The following PCNX2 variants were observed in gnomAD, a reference collection of about 807,000 sequenced individuals.
PCNX2 encodes the protein pecanex 2, also known as pecanex-like protein 2.
PCNX2 carries 168 observed loss-of-function variants against 223.8 expected under a neutral mutation model. The observed-to-expected ratio is 0.75, with a 90% CI of 0.66 to 0.85. The LOEUF is 0.85. Ranked by LOEUF, PCNX2 falls within the 40% of genes least tolerant of loss-of-function variation. PCNX2 has a pLI of 0.00. For missense variants in PCNX2, 2,507 were observed against 2,675.5 expected, an observed-to-expected ratio of 0.94 and a Z score of 1.39; for synonymous variants, 1,006 against 1,052.6, an observed-to-expected ratio of 0.96 and a Z score of 0.86.
chr1:233,275,272 G>A (rs57840840), intron 1 of PCNX2, among the ~76,000 whole-genome samples: 2,777 of 151,848 alleles, frequency 0.018, 88 homozygotes, highest in African/African-American at 0.064. Context: ...GTGAGATCTC[G>A]GCTCACTGCA....
At chr1:233,107,835 C>T (rs1571881004) in intron 21 of PCNX2, among the ~76,000 whole-genome samples, 2 of 152,266 alleles carry the variant, frequency 1.3e-5, no homozygotes, top group Admixed American at 1.3e-4. Context: ...CATTCCCAGA[C>T]ACTTAAGGCA....
intron 8 of PCNX2, among the ~76,000 whole-genome samples, chr1:233,245,772 C>T (rs1001578470): frequency 2.7e-4 from 41 of 151,908 alleles, no homozygotes; most frequent in African/African-American, 8.7e-4. Flanking sequence ...AAAATTAGCC[C>T]GGCTGTGGTG....
At chr1:233,204,950 T>C (rs952235906) in intron 13 of PCNX2, among the ~76,000 whole-genome samples, 3 of 152,136 alleles carry the variant, frequency 2.0e-5, no homozygotes, top group Non-Finnish European at 4.4e-5. Context: ...AAAAATAAAA[T>C]AAAATAAGAA....
At chr1:233,057,479 C>T in intron 23 of PCNX2, 189 bp from the exon 24 acceptor site, 1 of 563,604 alleles carries the variant, frequency 1.8e-6, no homozygotes, top group Non-Finnish European at 3.2e-6. Context: ...GGGAGCAGTA[C>T]AAGAAACACA....
the PCNX2 span, among the ~76,000 whole-genome samples, chr1:233,320,612 G>T: frequency 6.6e-6 from 1 of 152,156 alleles, no homozygotes; most frequent in Non-Finnish European, 1.5e-5. Context: ...CCATAAAAAA[G>T]TAGTAGTCGC....
intron 1 of PCNX2, among the ~76,000 whole-genome samples, chr1:233,271,202 G>C (rs1005387705): frequency 1.3e-5 from 2 of 152,280 alleles, no homozygotes; most frequent in African/African-American, 2.4e-5. Flanking sequence ...TACTGAGGTT[G>C]TGTTGGAAAT....
intron 28 of PCNX2, among the ~76,000 whole-genome samples, chr1:233,013,888 C>A (rs1670559839): frequency 6.6e-6 from 1 of 152,166 alleles, no homozygotes. Context: ...TTTTAACGTG[C>A]ACGTGGGGTT....
intron 10 of PCNX2, among the ~76,000 whole-genome samples, chr1:233,223,334 T>A (rs1418421259): frequency 6.6e-6 from 1 of 152,076 alleles, no homozygotes; most frequent in Non-Finnish European, 1.5e-5. Context: ...GACAGGATTA[T>A]TAGAGAATGA....
the PCNX2 span, among the ~76,000 whole-genome samples, chr1:233,321,800 A>ATAC: frequency 6.6e-6 from 1 of 152,264 alleles, no homozygotes; most frequent in Non-Finnish European, 1.5e-5. Flanking sequence ...ACACTGAAGA[A>ATAC]TACTACAGTT....
intron 28 of PCNX2, among the ~76,000 whole-genome samples, chr1:233,013,535 A>C (rs1199124580): frequency 6.6e-6 from 1 of 152,206 alleles, no homozygotes. Context: ...TTGCTAAACA[A>C]ATAGACAGGT....
chr1:233,178,072 G>A (rs903900827), intron 16 of PCNX2, among the ~76,000 whole-genome samples, 174 bp from the exon 17 acceptor site: 1 of 152,296 alleles, frequency 6.6e-6, no homozygotes, highest in Non-Finnish European at 1.5e-5. Context: ...ATAGTGTTTT[G>A]ATTTGTAAAT....
intron 32 of PCNX2, among the ~76,000 whole-genome samples, chr1:232,993,245 T>C (rs1029839427): frequency 1.3e-5 from 2 of 152,230 alleles, no homozygotes; most frequent in African/African-American, 4.8e-5. Context: ...AAGTCCAGGC[T>C]GAGGAGGTCT....
chr1:233,213,868 C>T (rs1234542564), intron 12 of PCNX2, among the ~76,000 whole-genome samples: 1 of 137,742 alleles, frequency 7.3e-6, no homozygotes, highest in South Asian at 2.3e-4. Flanking sequence ...CACTCTATCA[C>T]CCAGGGCTGG....
chr1:233,144,215 A>T (rs1293433119), intron 19 of PCNX2, among the ~76,000 whole-genome samples: 1 of 152,144 alleles, frequency 6.6e-6, no homozygotes, highest in Non-Finnish European at 1.5e-5. Flanking sequence ...TTTTGGCCTT[A>T]CATTTTCTTT....
chr1:233,233,066 AC>A (rs1349100048), intron 9 of PCNX2: 1 of 973,062 alleles, frequency 1.0e-6, no homozygotes, highest in East Asian at 1.1e-4. Flanking sequence ...GGTAGACTGC[AC>A]CTGCCTCTCA....
At chr1:232,984,540 G>T in intron 33 of PCNX2, 63 bp from the exon 34 acceptor site, 1 of 1,540,152 alleles carries the variant, frequency 6.5e-7, no homozygotes, top group East Asian at 2.3e-5. Flanking sequence ...ACTTCTAACT[G>T]GCATCACCCC....
At chr1:233,213,781 G>A (rs1184530998) in intron 12 of PCNX2, among the ~76,000 whole-genome samples, 2 of 145,868 alleles carry the variant, frequency 1.4e-5, no homozygotes, top group African/African-American at 2.5e-5. Flanking sequence ...GCTAAAGCCT[G>A]CACCAGGCAT....
intron 15 of PCNX2, among the ~76,000 whole-genome samples, chr1:233,190,425 G>T (rs953906585): frequency 6.6e-6 from 1 of 152,152 alleles, no homozygotes; most frequent in South Asian, 2.1e-4. Context: ...TTCAAGTGGA[G>T]AGTCAGTCTG....
chr1:233,069,073 T>A (rs1431006279), intron 23 of PCNX2, among the ~76,000 whole-genome samples: 1 of 151,998 alleles, frequency 6.6e-6, no homozygotes, highest in East Asian at 1.9e-4. Flanking sequence ...GCTGTTAATA[T>A]CAGATAAAGT....
Sources: allele counts gnomAD v4.1 joint callset (sites outside exome capture counted in the v4.1 genomes callset), GRCh38; gene constraint gnomAD v4.1.1; transcripts MANE v1.5; gene names NCBI Gene and HGNC (gene_info 2026-07-23, HGNC 2026-07-21).